Variants in CD40LG observed in about 807,000 individuals in gnomAD.
CD40LG encodes CD40 ligand, also known as CD40 antigen ligand.
CD40LG carries 1 observed loss-of-function variant against 17.2 expected under a neutral mutation model. The ratio of observed to expected loss-of-function variants is 0.06; its 90% CI spans 0.02 to 0.28. The LOEUF (loss-of-function observed/expected upper bound fraction) is 0.28, where lower values mean the gene tolerates loss of function less well. CD40LG is among the 10% of genes least tolerant of loss of function. The probability of loss-of-function intolerance (pLI) is 1.00; values close to 1 mark genes in which losing one functional copy is unlikely to be tolerated. For missense variants in CD40LG, 133 were observed against 193.2 expected, an observed-to-expected ratio of 0.69 and a Z score of 1.85; for synonymous variants, 66 against 74.4, an observed-to-expected ratio of 0.89 and a Z score of 0.58.
At position 136,659,133 on chromosome X, in the gene CD40LG, C is replaced by T. The variant is rs1374402232; in HGVS notation, c.504C>T (p.Leu168=). Residue 168 remains leucine (L), a synonymous_variant, in exon 5 of 5, where the codon CTC becomes CTT. Coordinates refer to ENST00000370629, the MANE Select transcript of CD40LG (RefSeq NM_000074.3). ...GKQLTVKRQG[L]YYIYAQVTFC... The stretch of plus-strand genomic sequence containing the variant: ...AGCTGACCGTTAAAAGACAAGGACT[C>T]TATTATATCTATGCCCAAGTCACCT... 1.7e-6 allele frequency: 2 copies of T among 1,208,490 alleles called. No homozygotes were observed. The highest frequency in any genetic ancestry group is 1.8e-5 in the African/African-American group (1 of 57,066).
At chrX:136,655,259 T>C (rs1326869419) in intron 3 of CD40LG, among the ~76,000 whole-genome samples, 1 of 111,643 alleles carries the variant, frequency 9.0e-6, no homozygotes, top group East Asian at 2.8e-4. Flanking sequence ...ACTGAGCTTT[T>C]TCTTCTCCAG....
intron 2 of CD40LG, among the ~76,000 whole-genome samples, chrX:136,652,915 A>G (rs1391879075): frequency 9.0e-6 from 1 of 110,716 alleles, no homozygotes; most frequent in Non-Finnish European, 1.9e-5. Flanking sequence ...AGTCCACTTT[A>G]AAAAGTATTT....
intron 1 of CD40LG, among the ~76,000 whole-genome samples, chrX:136,649,719 T>C (rs2076098765): frequency 8.9e-6 from 1 of 112,965 alleles, no homozygotes; most frequent in African/African-American, 3.2e-5. Flanking sequence ...TAAAATATCT[T>C]GTTACTTTGA....
chrX:136,648,442 G>C, intron 1 of CD40LG, 38 bp downstream of exon 1: 1 of 1,154,276 alleles, frequency 8.7e-7, no homozygotes, highest in Non-Finnish European at 1.2e-6. Flanking sequence ...CTAAATTTGG[G>C]GTCCTTACTA....
rs764545871 is a variant in CD40LG, at chrX:136,655,412, G to A, written c.347-944G>A. On this transcript the variant is annotated intron_variant, in intron 3 of 4. Transcript: ENST00000370629. ...GCATCGCAAACCAATACAATAATGC[G>A]TGAAGTGACTTCAGCAGCAGATTAT... Among the ~76,000 whole-genome samples the A allele has an allele frequency of 6.2e-5, 7 of 112,180 alleles. No individual in the cohort carries two copies. The South Asian group carries it at 1.1e-3, about 18-fold the overall frequency.
At chrX:136,656,504 T>C in intron 4 of CD40LG, 86 bp downstream of exon 4, 2 of 801,732 alleles carry the variant, frequency 2.5e-6, no homozygotes, top group Non-Finnish European at 3.8e-6. Context: ...TAAACTCCTC[T>C]TTTCCCCTGG....
intron 3 of CD40LG, 58 bp from the exon 4 acceptor site, chrX:136,656,298 T>G: frequency 1.2e-6 from 1 of 868,502 alleles, no homozygotes; most frequent in Non-Finnish European, 1.7e-6. Context: ...CTGGACCAGA[T>G]AGTTTTGTGG....
In CD40LG at chrX:136,660,119, C is replaced by A. The variant is rs75976001; in HGVS notation, c.*704C>A. On this transcript the variant is annotated 3_prime_UTR_variant, in exon 5 of 5. Transcript: ENST00000370629. ...TCCCCCTTTCTAACACACACACACA[C>A]ACACACACACACACACACACACACA... is the stretch of plus-strand genomic sequence containing the variant. 80 of 78,415 alleles carry A rather than the reference C, an allele frequency of 1.0e-3. No individual in the cohort carries two copies. Among genetic ancestry groups the A allele is most frequent in the African/African-American group, 5.3e-3 (68 of 12,826 alleles). The allele number at this position is 78,415 out of a possible 1,213,427, so 6.5% of individuals were successfully genotyped here. A position where few individuals can be genotyped will look rare whatever the true frequency, so the allele number is the denominator to read the frequency against.
chrX:136,655,055 A>T (rs746785810), intron 3 of CD40LG, among the ~76,000 whole-genome samples: 65 of 111,419 alleles, frequency 5.8e-4, no homozygotes, highest in African/African-American at 2.0e-3. Context: ...CCGTCTTTGA[A>T]TGGCTCTAAT....
At chrX:136,656,296 G>A in intron 3 of CD40LG, 60 bp from the exon 4 acceptor site, 2 of 858,439 alleles carry the variant, frequency 2.3e-6, no homozygotes, top group Non-Finnish European at 3.5e-6. Context: ...AACTGGACCA[G>A]ATAGTTTTGT....
chrX:136,654,094 A>G (rs1173008658), intron 2 of CD40LG, among the ~76,000 whole-genome samples: 1 of 111,896 alleles, frequency 8.9e-6, no homozygotes, highest in Non-Finnish European at 1.9e-5. Flanking sequence ...AAGGGTCAGG[A>G]TCACAGCCTC....
At chrX:136,654,315 T>C in intron 2 of CD40LG, 58 bp from the exon 3 acceptor site, 1 of 860,643 alleles carries the variant, frequency 1.2e-6, no homozygotes, top group South Asian at 2.0e-5. Context: ...ATGATAATTT[T>C]AAAACCCCAC....
In CD40LG at chrX:136,648,271, C is replaced by T. The variant is rs201109996; in HGVS notation, c.23C>T (p.Thr8Ile). 2.5e-6 allele frequency: 3 copies of T among 1,203,260 alleles called. No homozygotes were observed. The highest frequency in any genetic ancestry group is 1.8e-5 in the African/African-American group (1 of 56,898). The change falls in exon 1 of 5, where the codon ACT becomes ATT. Residue 8 changes from threonine to isoleucine, a missense_variant. By Grantham distance (89) the Thr-to-Ile change is moderately conservative. Transcript: ENST00000370629. ...AGCATGATCGAAACATACAACCAAACTTCTCCCCGATCTGCGGCCACTGGA... is the reference window on the plus strand; with the variant it reads ...AGCATGATCGAAACATACAACCAAATTTCTCCCCGATCTGCGGCCACTGGA... MIETYNQ[T>I]SPRSAATGLP...
intron 2 of CD40LG, among the ~76,000 whole-genome samples, chrX:136,652,344 C>T (rs2076106299): frequency 8.9e-6 from 1 of 111,888 alleles, no homozygotes. Context: ...AAATTCGAGA[C>T]TTTGAAAAAA....
intron 3 of CD40LG, among the ~76,000 whole-genome samples, 184 bp downstream of exon 3, chrX:136,654,614 A>G (rs2076113927): frequency 9.0e-6 from 1 of 111,695 alleles, no homozygotes; most frequent in Non-Finnish European, 1.9e-5. Flanking sequence ...CTTTGTACAT[A>G]TATATTTATG....
rs775086315 is a variant in CD40LG at position 136,649,441 on chromosome X, G to A, written c.157-825G>A. Among the ~76,000 whole-genome samples, 9 of 112,327 alleles carry A rather than the reference G, an allele frequency of 8.0e-5. No homozygotes were observed. In the East Asian group the frequency reaches 2.5e-3, roughly 31 times the overall value. ...CTGCTGACAAAAGAGGGGGCTTCTG[G>A]TCTGGTTGGTTATTTGTGTTTGGCC... On this transcript the variant is annotated intron_variant, in intron 1 of 4. Coordinates refer to ENST00000370629, the MANE Select transcript of CD40LG (RefSeq NM_000074.3).
At chrX:136,650,802 G>A (rs183066098) in intron 2 of CD40LG, among the ~76,000 whole-genome samples, 16 of 111,763 alleles carry the variant, frequency 1.4e-4, no homozygotes, top group African/African-American at 4.9e-4. Context: ...AACAGCTGCC[G>A]TGGCAGCAGG....
In CD40LG at chrX:136,659,640, G is replaced by C; in HGVS notation, c.*225G>C. On this transcript the variant is annotated 3_prime_UTR_variant, in exon 5 of 5. Coordinates refer to ENST00000370629, the MANE Select transcript of CD40LG (RefSeq NM_000074.3). ...CTCCATAAGAGCTTATATATCTGAA[G>C]CAGCAACCCCACTGATGCAGACATC... The C allele has an allele frequency of 9.9e-6, 4 of 402,506 alleles. No homozygotes were observed. The highest frequency in any genetic ancestry group is 1.7e-5 in the Non-Finnish European group (4 of 233,081). 33.2% of individuals were successfully genotyped at this position (402,506 alleles called of 1,213,427 possible). A position where few individuals can be genotyped will look rare whatever the true frequency, so the allele number is the denominator to read the frequency against.
rs751481337 is a variant in CD40LG, at chrX:136,654,335, CCT to C, written c.289-37_289-36del. On this transcript the variant is annotated intron_variant, in intron 2 of 4. Coordinates refer to ENST00000370629, the MANE Select transcript of CD40LG (RefSeq NM_000074.3). ...AATTTTAAAACCCCACAGCAGAGCC[CCT>C]GTCAAAATGACCTCTTGCAATGCTT... is the stretch of plus-strand genomic sequence containing the variant. 4.9e-4 allele frequency: 474 copies of C among 972,299 alleles called. No homozygotes were observed. The highest frequency in any genetic ancestry group is 6.7e-4 in the Non-Finnish European group (453 of 678,356). The allele number at this position is 972,299 out of a possible 1,213,427, so 80.1% of individuals were successfully genotyped here. A position where few individuals can be genotyped will look rare whatever the true frequency, so the allele number is the denominator to read the frequency against.
Sources: allele counts gnomAD v4.1 joint callset (sites outside exome capture counted in the v4.1 genomes callset), GRCh38; gene constraint gnomAD v4.1.1; transcripts MANE v1.5; gene names NCBI Gene and HGNC (gene_info 2026-07-23, HGNC 2026-07-21).